The following MDN1 variants were observed in gnomAD, a reference collection of about 807,000 sequenced individuals.
The protein encoded by MDN1 is midasin.
Under a neutral mutation model 669.2 loss-of-function variants are expected in MDN1, and 266 were observed. The ratio of observed to expected loss-of-function variants is 0.40; its 90% CI spans 0.36 to 0.44. The LOEUF (loss-of-function observed/expected upper bound fraction) is 0.44, where lower values mean the gene tolerates loss of function less well. Ranked by LOEUF, MDN1 falls within the 20% of genes least tolerant of loss-of-function variation. MDN1 has a pLI of 1.00. For synonymous variants in MDN1, 2,385 were observed against 2,457.1 expected (o/e 0.97, Z 0.87); for missense variants, 5,940 against 6,754.0 (o/e 0.88, Z 4.22).
At chr6:89,811,679 C>T (rs943179457) in intron 1 of MDN1, among the ~76,000 whole-genome samples, 1 of 152,008 alleles carries the variant, frequency 6.6e-6, no homozygotes, top group Non-Finnish European at 1.5e-5. Context: ...ATCTTGACCT[C>T]GTGATCTGCC....
Position 89,674,598 on chromosome 6 carries a change from AGAAACCCATGG to A in MDN1, c.12762-20_12762-10del. On this transcript the variant is annotated splice_polypyrimidine_tract_variant and intron_variant, in intron 78 of 101. Coordinates refer to ENST00000369393, the MANE Select transcript of MDN1 (RefSeq NM_014611.3). Reference sequence around the variant, plus strand: ...CACAGCTGAGGAGGTTCCTGTACAGAGAAACCCATGGGAAAAACACAATGAATGGCACCTTA... The same window carrying A: ...CACAGCTGAGGAGGTTCCTGTACAGAGAAAAACACAATGAATGGCACCTTA... The A allele has an allele frequency of 6.6e-7, 1 of 1,520,810 alleles. No homozygotes were observed. The highest frequency in any genetic ancestry group is 1.3e-5 in the South Asian group (1 of 79,402). 94.2% of individuals were successfully genotyped at this position (1,520,810 alleles called of 1,614,324 possible).
intron 77 of MDN1, 68 bp downstream of exon 77, chr6:89,676,034 C>T (rs1346991751): frequency 8.5e-6 from 12 of 1,407,060 alleles, no homozygotes; most frequent in African/African-American, 5.7e-5. Flanking sequence ...TCTGAGAATA[C>T]AGCCCTGGGA....
At chr6:89,682,706 A>C (rs1426307416) in intron 73 of MDN1, among the ~76,000 whole-genome samples, 6 of 147,424 alleles carry the variant, frequency 4.1e-5, no homozygotes, top group African/African-American at 1.5e-4. Flanking sequence ...TCTTAAAAAA[A>C]AAAAAAAAAA....
intron 49 of MDN1, among the ~76,000 whole-genome samples, chr6:89,711,548 C>T (rs1584245693): frequency 6.6e-6 from 1 of 151,882 alleles, no homozygotes; most frequent in East Asian, 1.9e-4. Flanking sequence ...TGTTGATGTC[C>T]CTGGGTGGGG....
chr6:89,675,441 A>T, intron 78 of MDN1, 23 bp downstream of exon 78: 8 of 1,601,082 alleles, frequency 5.0e-6, no homozygotes, highest in Non-Finnish European at 6.8e-6. Flanking sequence ...TTCATGCCAC[A>T]AGCCCAACTC....
At chr6:89,647,499 G>A (rs1546959) in intron 99 of MDN1, among the ~76,000 whole-genome samples, 127,783 of 152,114 alleles carry the variant, frequency 0.84, 53,862 homozygotes, top group East Asian at 1. Flanking sequence ...CAAACTACTC[G>A]GAAAAAAAAG....
intron 72 of MDN1, 138 bp downstream of exon 72, chr6:89,683,693 A>C: frequency 1.5e-6 from 1 of 675,272 alleles, no homozygotes; most frequent in Admixed American, 2.7e-5. Flanking sequence ...AGCAACATCA[A>C]AACAATCAAG....
At chr6:89,710,574 A>G (rs568571549) in intron 50 of MDN1, 107 bp downstream of exon 50, 12 of 541,774 alleles carry the variant, frequency 2.2e-5, no homozygotes, top group African/African-American at 2.2e-4. Context: ...GAGTCTTCTA[A>G]AAAATACCGT....
intron 23 of MDN1, 125 bp from the exon 24 acceptor site, chr6:89,750,657 T>C: frequency 1.1e-6 from 1 of 947,592 alleles, no homozygotes; most frequent in South Asian, 1.6e-5. Context: ...GGCTGAAGTA[T>C]GGTGGTGCAA....
intron 22 of MDN1, among the ~76,000 whole-genome samples, chr6:89,752,166 C>G (rs938412083): frequency 1.3e-5 from 2 of 152,044 alleles, no homozygotes; most frequent in African/African-American, 4.8e-5. Flanking sequence ...TGGAAAAGTA[C>G]TCTTCTAGAG....
chr6:89,659,364 C>T (rs947613695), intron 88 of MDN1, among the ~76,000 whole-genome samples: 9 of 152,180 alleles, frequency 5.9e-5, no homozygotes, highest in African/African-American at 1.9e-4. Context: ...GAGGGCAAGA[C>T]CCTGTCTCCA....
chr6:89,675,619 C>G lies in MDN1; in HGVS notation c.12646-40G>C, dbSNP rs777776823. 6.5e-6 allele frequency: 10 copies of G among 1,542,860 alleles called. No homozygotes were observed. The East Asian group carries it at 2.2e-4, about 35-fold the overall frequency. ...AAAAACATGCTGAAGGGGCTGCTGA[C>G]AAACATCACCCACAGATGTGCCTCT... On this transcript the variant is annotated intron_variant, in intron 77 of 101. Coordinates refer to ENST00000369393, the MANE Select transcript of MDN1 (RefSeq NM_014611.3).
rs148852520 is a variant in MDN1, at chr6:89,658,253, T to C, written c.15139A>G (p.Met5047Val). 101 of 1,614,116 alleles carry C rather than the reference T, an allele frequency of 6.3e-5. No individual in the cohort carries two copies. The highest frequency in any genetic ancestry group is 8.5e-5 in the Non-Finnish European group (100 of 1,180,044). The part of the protein sequence containing the change: ...GVENMQNTQA[M>V]ELAGAAPEKE... ...TCAGGTGCGGCCCCAGCCAGCTCCATGGCCTGTGTGTTCTGCATGTTCTCC... is the reference window on the plus strand; with the variant it reads ...TCAGGTGCGGCCCCAGCCAGCTCCACGGCCTGTGTGTTCTGCATGTTCTCC... Residue 5047 changes from methionine (M) to valine (V), a missense_variant, in exon 90 of 102, where the codon ATG (methionine) becomes GTG (valine). Coordinates refer to ENST00000369393, the MANE Select transcript of MDN1 (RefSeq NM_014611.3).
intron 38 of MDN1, 65 bp from the exon 39 acceptor site, chr6:89,723,684 T>A: frequency 1.2e-6 from 1 of 852,892 alleles, no homozygotes; most frequent in Non-Finnish European, 1.7e-6. Context: ...TAGAAATGAC[T>A]ACCATGTCTT....
At chr6:89,654,894 G>A (rs1383540295) in intron 92 of MDN1, among the ~76,000 whole-genome samples, 1 of 152,122 alleles carries the variant, frequency 6.6e-6, no homozygotes, top group African/African-American at 2.4e-5. Flanking sequence ...AAAAGTAGTA[G>A]AAAACAAGGC....
At chr6:89,754,682 T>C (rs1817142793) in intron 20 of MDN1, among the ~76,000 whole-genome samples, 1 of 152,030 alleles carries the variant, frequency 6.6e-6, no homozygotes, top group Non-Finnish European at 1.5e-5. Flanking sequence ...GAGGATACGA[T>C]GGCCATTACT....
At chr6:89,669,001 T>C (rs1810452843) in intron 83 of MDN1, among the ~76,000 whole-genome samples, 1 of 152,246 alleles carries the variant, frequency 6.6e-6, no homozygotes, top group Admixed American at 6.5e-5. Flanking sequence ...AACTACATTA[T>C]TTAAATGAGA....
intron 84 of MDN1, among the ~76,000 whole-genome samples, chr6:89,665,718 AAAAAAAAAAAAG>A (rs1320738718): frequency 4.1e-5 from 6 of 147,970 alleles, no homozygotes; most frequent in East Asian, 1.9e-4. Flanking sequence ...AAAAAAAAAA[AAAAAAAAAAAAG>A]AAGTCCTTTT....
rs535903916 is a variant in MDN1, at chr6:89,684,044, T to C, written c.11830-140A>G. On this transcript the variant is annotated intron_variant, in intron 71 of 101. Transcript: ENST00000369393. ...TGTGTCAGTGAACAAGTAAAACAAG[T>C]CTAAAAAAGAAACCATGGGCTAGGC... 11 of 674,224 alleles carry C rather than the reference T, an allele frequency of 1.6e-5. No homozygotes were observed. In the South Asian group the frequency reaches 2.0e-4, roughly 12 times the overall value. 41.8% of individuals were successfully genotyped at this position (674,224 alleles called of 1,614,324 possible).
Sources: gnomAD v4.1 joint callset for allele counts (sites outside exome capture counted in the v4.1 genomes callset) on GRCh38, gnomAD v4.1.1 for gene constraint, MANE v1.5 for transcripts, NCBI Gene and HGNC (gene_info 2026-07-23, HGNC 2026-07-21) for gene names.